AMBRA1: variants seen among roughly 807,000 people sequenced by gnomAD.
AMBRA1 encodes autophagy and beclin 1 regulator 1.
In AMBRA1, 47 loss-of-function variants were observed where a neutral mutation model predicts 125.4. That is an observed-to-expected ratio of 0.37 (90% CI 0.30 to 0.48). AMBRA1 has a LOEUF of 0.48. Among genes scored for constraint, AMBRA1 ranks in the 20% least tolerant of loss-of-function variants. The probability of loss-of-function intolerance (pLI) is 0.99; values close to 1 mark genes in which losing one functional copy is unlikely to be tolerated. For missense variants in AMBRA1, 1,331 were observed against 1,693.4 expected (o/e 0.79, Z 3.76); for synonymous variants, 626 against 655.5 (o/e 0.95, Z 0.69).
intron 7 of AMBRA1, among the ~76,000 whole-genome samples, chr11:46,519,059 T>C (rs1565244393): frequency 6.6e-6 from 1 of 152,210 alleles, no homozygotes; most frequent in South Asian, 2.1e-4. Context: ...ACAGAGTTTC[T>C]GTCACCCAGG....
At chr11:46,408,485 A>C in intron 17 of AMBRA1, 28 bp downstream of exon 17, 1 of 1,489,358 alleles carries the variant, frequency 6.7e-7, no homozygotes, top group Non-Finnish European at 9.0e-7. Context: ...TCCCTCTCCC[A>C]CCCCCTCCAG....
intron 11 of AMBRA1, among the ~76,000 whole-genome samples, chr11:46,447,207 G>T (rs1948332428): frequency 6.6e-6 from 1 of 151,624 alleles, no homozygotes; most frequent in Non-Finnish European, 1.5e-5. Flanking sequence ...CCAGGAATTT[G>T]TAACCAGCCT....
Position 46,542,178 on chromosome 11 carries a change from G to A in AMBRA1, c.1839C>T (p.Gly613=), listed in dbSNP as rs773411756. ...TCCGCTCGAGAGGTGGCAACTGGCTGCCACTTGATGGCACACTCTCAAAGG... is the reference window on the plus strand; with the variant it reads ...TCCGCTCGAGAGGTGGCAACTGGCTACCACTTGATGGCACACTCTCAAAGG... ...PSSFESVPSS[G]SQLPPLERTE... The change falls in exon 7 of 18, where the codon GGC becomes GGT. Residue 613 remains glycine, a synonymous_variant. Transcript: ENST00000683756. This position sits in a 1 kb window ranked among gnomAD's most constrained non-coding sequence, Gnocchi z 5.9. 20 of 1,613,550 alleles carry A rather than the reference G, an allele frequency of 1.2e-5. 1 individual carries two copies. In the South Asian group the frequency reaches 2.2e-4, roughly 18 times the overall value.
intron 17 of AMBRA1, among the ~76,000 whole-genome samples, chr11:46,399,730 C>A (rs541247656): frequency 6.6e-6 from 1 of 152,296 alleles, no homozygotes; most frequent in African/African-American, 2.4e-5. Flanking sequence ...CTTTACCCCC[C>A]AGTCTTCACA....
intron 15 of AMBRA1, among the ~76,000 whole-genome samples, chr11:46,412,462 T>C (rs950787439): frequency 4.6e-5 from 7 of 152,054 alleles, no homozygotes; most frequent in African/African-American, 1.7e-4. Context: ...TTTTTTTTGT[T>C]TTTTGTTTTG....
chr11:46,519,670 C>A (rs61882722), intron 7 of AMBRA1, among the ~76,000 whole-genome samples: 4 of 152,138 alleles, frequency 2.6e-5, no homozygotes, highest in East Asian at 1.9e-4. Context: ...TATTTCCATC[C>A]GGGAGCACCA....
At chr11:46,466,529 T>C (rs1949332317) in intron 11 of AMBRA1, among the ~76,000 whole-genome samples, 1 of 152,282 alleles carries the variant, frequency 6.6e-6, no homozygotes, top group African/African-American at 2.4e-5. Flanking sequence ...AAGAGGTTAC[T>C]GCTCAAAGTG....
chr11:46,400,148 G>T (rs937823418), intron 17 of AMBRA1, among the ~76,000 whole-genome samples: 1 of 152,062 alleles, frequency 6.6e-6, no homozygotes, highest in Non-Finnish European at 1.5e-5. Context: ...CCAAGACCGT[G>T]GGCAACTATG....
At chr11:46,589,709 T>C (rs929208232) in intron 1 of AMBRA1, among the ~76,000 whole-genome samples, 1 of 152,008 alleles carries the variant, frequency 6.6e-6, no homozygotes, top group Non-Finnish European at 1.5e-5. Context: ...AAGCTCCGCC[T>C]ACCGGGTTCA....
intron 12 of AMBRA1, among the ~76,000 whole-genome samples, chr11:46,437,031 T>C (rs1947753884): frequency 6.6e-6 from 1 of 152,230 alleles, no homozygotes. Context: ...TGCTGTTACA[T>C]AGATCCAGCT....
intron 13 of AMBRA1, among the ~76,000 whole-genome samples, chr11:46,434,131 A>AG (rs1221779727): frequency 6.6e-6 from 1 of 151,518 alleles, no homozygotes; most frequent in Non-Finnish European, 1.5e-5. Flanking sequence ...AAAAAAAAAA[A>AG]AAAAAAGAAA....
At chr11:46,567,675 T>C (rs1167047310) in intron 1 of AMBRA1, among the ~76,000 whole-genome samples, 1 of 152,076 alleles carries the variant, frequency 6.6e-6, no homozygotes, top group African/African-American at 2.4e-5. Context: ...AAGATGTCTT[T>C]TCAGACTTTT....
chr11:46,400,473 GTTTTTTTTTTTTTTTTTTTT>G (rs553040136), intron 17 of AMBRA1, among the ~76,000 whole-genome samples: 19,698 of 48,946 alleles, frequency 0.4, 1,944 homozygotes, highest in Middle Eastern at 0.5. Flanking sequence ...TCTTTCTATA[GTTTTTTTTTTTTTTTTTTTT>G]TTTTTTTTTT....
intron 1 of AMBRA1, among the ~76,000 whole-genome samples, chr11:46,580,575 C>T (rs943768178): frequency 2.6e-5 from 4 of 152,266 alleles, no homozygotes; most frequent in East Asian, 1.9e-4. Context: ...TACTTGACAC[C>T]TTCTTCTTCC....
intron 11 of AMBRA1, among the ~76,000 whole-genome samples, chr11:46,477,449 CTGGA>C (rs1949862016): frequency 6.7e-6 from 1 of 149,558 alleles, no homozygotes; most frequent in African/African-American, 2.5e-5. Context: ...TCCTGAGTAG[CTGGA>C]ACTGTGGAAC....
At chr11:46,569,469 T>C (rs2043677987) in intron 1 of AMBRA1, among the ~76,000 whole-genome samples, 1 of 141,184 alleles carries the variant, frequency 7.1e-6, no homozygotes, top group Non-Finnish European at 1.5e-5. Flanking sequence ...ATATATAAAG[T>C]GCCAAGCAAG....
At chr11:46,517,084 G>C (rs527755794) in intron 7 of AMBRA1, among the ~76,000 whole-genome samples, 1 of 152,098 alleles carries the variant, frequency 6.6e-6, no homozygotes, top group South Asian at 2.1e-4. Flanking sequence ...GACAGCAAGG[G>C]GGAAATATTA....
intron 9 of AMBRA1, among the ~76,000 whole-genome samples, chr11:46,498,270 C>T (rs1051681513): frequency 6.6e-6 from 1 of 152,180 alleles, no homozygotes; most frequent in Non-Finnish European, 1.5e-5. Flanking sequence ...GAACAGAGTA[C>T]ACAAATATGT....
chr11:46,446,920 C>T (rs1181086757), intron 11 of AMBRA1, among the ~76,000 whole-genome samples: 3 of 152,190 alleles, frequency 2.0e-5, no homozygotes, highest in Non-Finnish European at 4.4e-5. Context: ...TGGGATCTTA[C>T]GGCTTGTTTT....
Sources: allele counts gnomAD v4.1 joint callset (sites outside exome capture counted in the v4.1 genomes callset), GRCh38; gene constraint gnomAD v4.1.1; non-coding constraint Gnocchi (gnomAD v3.1); transcripts MANE v1.5; gene names NCBI Gene and HGNC (gene_info 2026-07-23, HGNC 2026-07-21).